Variants in ICA1 observed in about 807,000 individuals in gnomAD.
ICA1 encodes 69 kDa islet cell autoantigen.
A neutral mutation model predicts 71.0 loss-of-function variants in ICA1; 40 were observed. The observed-to-expected ratio is 0.56, with a 90% CI of 0.44 to 0.73. The LOEUF (loss-of-function observed/expected upper bound fraction) is 0.73. ICA1 is among the 30% of genes least tolerant of loss of function. The pLI is 0.00. For synonymous variants in ICA1, 207 were observed against 209.5 expected (o/e 0.99, Z 0.10); for missense variants, 578 against 576.5 (o/e 1.00, Z -0.03).
chr7:8,143,290 TG>T (rs1795831204), intron 9 of ICA1, among the ~76,000 whole-genome samples: 1 of 152,220 alleles, frequency 6.6e-6, no homozygotes, highest in African/African-American at 2.4e-5. Context: ...GCACCTTCTT[TG>T]TAAAGGGGCA....
intron 6 of ICA1, among the ~76,000 whole-genome samples, chr7:8,209,356 T>C (rs904776674): frequency 2.4e-4 from 36 of 152,214 alleles, no homozygotes; most frequent in African/African-American, 8.7e-4. Context: ...GTATGGATAG[T>C]TCCTCTACTT....
chr7:8,228,550 C>A (rs1259104394), intron 4 of ICA1, 51 bp downstream of exon 4: 1 of 1,132,858 alleles, frequency 8.8e-7, no homozygotes, highest in East Asian at 2.5e-5. Context: ...AGACAAAATA[C>A]CCTGCTATTT....
intron 6 of ICA1, among the ~76,000 whole-genome samples, chr7:8,159,530 G>A (rs1434273981): frequency 1.3e-5 from 2 of 151,852 alleles, no homozygotes; most frequent in Non-Finnish European, 2.9e-5. Context: ...TGGGCAAAAC[G>A]GTGAAACCCC....
intron 1 of ICA1, among the ~76,000 whole-genome samples, chr7:8,249,965 C>T (rs1054079961): frequency 6.6e-6 from 1 of 152,108 alleles, no homozygotes; most frequent in Non-Finnish European, 1.5e-5. Flanking sequence ...TGAATAAAGC[C>T]CCTTCCTTCT....
At chr7:8,157,028 T>C (rs1376932102) in intron 8 of ICA1, 88 bp downstream of exon 8, 3 of 1,610,060 alleles carry the variant, frequency 1.9e-6, no homozygotes, top group Non-Finnish European at 2.5e-6. Flanking sequence ...CCTGGAATAA[T>C]GATGCTTTCT....
At chr7:8,157,319 T>C (rs1801979479) in intron 7 of ICA1, 105 bp from the exon 8 acceptor site, 2 of 1,086,748 alleles carry the variant, frequency 1.8e-6, no homozygotes, top group East Asian at 2.5e-5. Context: ...CTTTAAAGCA[T>C]GATTCTAACT....
At chr7:8,216,776 T>A (rs573170229) in intron 6 of ICA1, among the ~76,000 whole-genome samples, 37 of 152,360 alleles carry the variant, frequency 2.4e-4, no homozygotes, top group Middle Eastern at 3.4e-3. Context: ...GTATTTTGAA[T>A]GATTCTGACT....
chr7:8,238,019 C>A (rs1038655797), intron 1 of ICA1, among the ~76,000 whole-genome samples: 3 of 152,132 alleles, frequency 2.0e-5, no homozygotes, highest in Non-Finnish European at 4.4e-5. Flanking sequence ...CAGAATAACA[C>A]TGTTTCATAA....
At chr7:8,225,841 A>G (rs1029705638) in intron 4 of ICA1, among the ~76,000 whole-genome samples, 4 of 152,180 alleles carry the variant, frequency 2.6e-5, no homozygotes, top group Non-Finnish European at 4.4e-5. Context: ...CATCTGCAAT[A>G]TCTTATCTAT....
chr7:8,138,245 C>T (rs149966600), intron 12 of ICA1, among the ~76,000 whole-genome samples: 6 of 152,248 alleles, frequency 3.9e-5, no homozygotes, highest in Admixed American at 6.5e-5. Flanking sequence ...TTCAGGTGTG[C>T]GACTTAACTA....
chr7:8,175,913 C>CT (rs1454267713), intron 6 of ICA1, among the ~76,000 whole-genome samples: 9 of 152,174 alleles, frequency 5.9e-5, no homozygotes, highest in African/African-American at 2.2e-4. Context: ...GTGATTCTCC[C>CT]TTGTTTATCC....
intron 6 of ICA1, among the ~76,000 whole-genome samples, chr7:8,214,674 T>C (rs1794843176): frequency 6.6e-6 from 1 of 152,138 alleles, no homozygotes; most frequent in South Asian, 2.1e-4. Context: ...TAAATGCTCT[T>C]AATGTTGATG....
chr7:8,189,903 G>T (rs1785049003), intron 6 of ICA1, among the ~76,000 whole-genome samples: 1 of 152,212 alleles, frequency 6.6e-6, no homozygotes, highest in African/African-American at 2.4e-5. Context: ...TAGAAAGGCG[G>T]ATTTCAAGAG....
chr7:8,239,165 T>C lies in ICA1; in HGVS notation c.-79-3160A>G, dbSNP rs188574788. On this transcript the variant is annotated intron_variant, in intron 1 of 13. Coordinates refer to ENST00000402384, the MANE Select transcript of ICA1 (RefSeq NM_001136020.3). The stretch of plus-strand genomic sequence containing the variant: ...CAGTGCTAACATCTCTTTTTATATA[T>C]GTTCTAACTCTACATACCAGAGACA... Among the ~76,000 whole-genome samples, 40 of 152,338 alleles carry C rather than the reference T, an allele frequency of 2.6e-4. No homozygotes were observed. In the East Asian group the frequency reaches 7.7e-3, roughly 29 times the overall value.
chr7:8,146,882 G>GCACACACACA (rs144575495), intron 8 of ICA1, among the ~76,000 whole-genome samples: 5 of 139,356 alleles, frequency 3.6e-5, no homozygotes, highest in Admixed American at 2.2e-4. Context: ...ACACACACAC[G>GCACACACACA]CACACACACA....
intron 6 of ICA1, among the ~76,000 whole-genome samples, chr7:8,204,097 G>C (rs1007719756): frequency 6.6e-6 from 1 of 152,146 alleles, no homozygotes; most frequent in African/African-American, 2.4e-5. Context: ...ACTCCTTAAG[G>C]GTGCTTGGAA....
chr7:8,149,605 A>G (rs1159529599), intron 8 of ICA1, among the ~76,000 whole-genome samples: 1 of 152,252 alleles, frequency 6.6e-6, no homozygotes, highest in African/African-American at 2.4e-5. Context: ...CTACTTAGCA[A>G]AACAAATTTC....
chr7:8,158,788 G>A, intron 6 of ICA1, 136 bp from the exon 7 acceptor site: 1 of 837,654 alleles, frequency 1.2e-6, no homozygotes, highest in Middle Eastern at 3.6e-4. Flanking sequence ...CAAATGGGAA[G>A]ATGTTACAAC....
At position 8,126,948 on chromosome 7, in the gene ICA1, C is replaced by T. The variant is rs1789428450; in HGVS notation, c.1330+925G>A. Among the ~76,000 whole-genome samples the T allele has an allele frequency of 2.0e-5, 3 of 151,662 alleles. No homozygotes were observed. The South Asian group carries it at 6.2e-4, about 32-fold the overall frequency. On this transcript the variant is annotated intron_variant, in intron 13 of 13. Transcript: ENST00000402384. ...CAGCACTTGGTTGGTGTACCTTGAA[C>T]CCTTACTGATGTTGACAACCCCTCC... is the stretch of plus-strand genomic sequence containing the variant.
Sources: allele counts gnomAD v4.1 joint callset (sites outside exome capture counted in the v4.1 genomes callset), GRCh38; gene constraint gnomAD v4.1.1; transcripts MANE v1.5; gene names NCBI Gene and HGNC (gene_info 2026-07-23, HGNC 2026-07-21).